TMEM144: variants seen among roughly 807,000 people sequenced by gnomAD.
TMEM144 encodes the protein transmembrane protein 144.
A neutral mutation model predicts 43.6 loss-of-function variants in TMEM144; 39 were observed. The ratio of observed to expected loss-of-function variants is 0.90; its 90% CI spans 0.69 to 1.17. TMEM144 has a LOEUF of 1.17. Among genes scored for constraint, TMEM144 ranks in the 50% most tolerant of loss-of-function variants. The pLI is 0.00. For missense variants in TMEM144, 417 were observed against 411.9 expected (o/e 1.01, Z -0.11); for synonymous variants, 154 against 133.6 (o/e 1.15, Z -1.06).
At chr4:158,229,812 A>C (rs1734979026) in intron 6 of TMEM144, among the ~76,000 whole-genome samples, 1 of 152,152 alleles carries the variant, frequency 6.6e-6, no homozygotes, top group Admixed American at 6.5e-5. Flanking sequence ...TTTAGGGAAC[A>C]CTTCTTGGGG....
intron 9 of TMEM144, among the ~76,000 whole-genome samples, chr4:158,238,101 T>C (rs2111138205): frequency 1.3e-5 from 2 of 152,340 alleles, no homozygotes; most frequent in East Asian, 3.9e-4. Context: ...CCTGTTAATA[T>C]CTCAGTTTCC....
chr4:158,224,112 C>T (rs1470339611), intron 6 of TMEM144, among the ~76,000 whole-genome samples: 1 of 152,066 alleles, frequency 6.6e-6, no homozygotes, highest in Non-Finnish European at 1.5e-5. Flanking sequence ...TTCTGACTGG[C>T]CTGAGATGGT....
chr4:158,252,062 C>T (rs1335334331), intron 12 of TMEM144, among the ~76,000 whole-genome samples: 1 of 152,076 alleles, frequency 6.6e-6, no homozygotes, highest in Non-Finnish European at 1.5e-5. Context: ...GAGATGCCTC[C>T]AGGGATATAT....
chr4:158,248,390 C>T (rs982088907), intron 12 of TMEM144, among the ~76,000 whole-genome samples: 2 of 152,008 alleles, frequency 1.3e-5, no homozygotes, highest in African/African-American at 2.4e-5. Flanking sequence ...CAAGATTGCA[C>T]TCTGGCCTGG....
At chr4:158,232,632 A>G (rs1735138436) in intron 6 of TMEM144, among the ~76,000 whole-genome samples, 1 of 152,228 alleles carries the variant, frequency 6.6e-6, no homozygotes, top group Non-Finnish European at 1.5e-5. Context: ...TTCTTTTACA[A>G]TGTGATTTCA....
rs1258706142 is a variant in TMEM144 at position 158,244,313 on chromosome 4, T to A, written c.918T>A (p.Ala306=). Residue 306 remains alanine (A), a synonymous_variant, in exon 12 of 13, where the codon GCT becomes GCA. Coordinates refer to ENST00000296529, the MANE Select transcript of TMEM144 (RefSeq NM_018342.5). ...TATTTAAGGGTCCAGGATTTATAGCTGCAATGTGGGGTATCTTCATGTTTA... is the reference window on the plus strand; with the variant it reads ...TATTTAAGGGTCCAGGATTTATAGCAGCAATGTGGGGTATCTTCATGTTTA... ...PIITAGPGFI[A]AMWGIFMFKE... is the part of the protein sequence containing the mutation. 6.2e-7 allele frequency: 1 copy of A among 1,606,580 alleles called. No homozygotes were observed. The highest frequency in any genetic ancestry group is 1.7e-5 in the Admixed American group (1 of 59,264).
chr4:158,237,594 G>A lies in TMEM144; in HGVS notation c.633G>A (p.Lys211=), dbSNP rs764393016. The A allele has an allele frequency of 1.2e-6, 2 of 1,613,850 alleles. No individual in the cohort carries two copies. The highest frequency in any genetic ancestry group is 1.7e-6 in the Non-Finnish European group (2 of 1,179,896). The change falls in exon 9 of 13, where the codon AAG becomes AAA. Residue 211 remains lysine (K), a synonymous_variant. Transcript: ENST00000296529. ...GSTFVPIIYI[K]DHSKRNDSIY... is the part of the protein sequence containing the mutation. ...CATTTGTGCCAATCATCTACATCAAGGACCACAGCAAAAGAAATGATAGTA... is the reference window on the plus strand; with the variant it reads ...CATTTGTGCCAATCATCTACATCAAAGACCACAGCAAAAGAAATGATAGTA...
intron 11 of TMEM144, among the ~76,000 whole-genome samples, chr4:158,241,968 A>G (rs2111144095): frequency 1.3e-5 from 2 of 152,366 alleles, no homozygotes; most frequent in Middle Eastern, 6.8e-3. Context: ...ACATTGAAAA[A>G]CAAACAAACA....
At chr4:158,215,117 C>A (rs1734153032) in intron 3 of TMEM144, 74 bp from the exon 4 acceptor site, 1 of 1,584,578 alleles carries the variant, frequency 6.3e-7, no homozygotes, top group Non-Finnish European at 8.7e-7. Context: ...TGTAATATCA[C>A]CTCATAGATA....
intron 1 of TMEM144, chr4:158,210,802 G>A (rs1414977858): frequency 1.3e-5 from 2 of 152,180 alleles, no homozygotes; most frequent in East Asian, 3.9e-4. Flanking sequence ...AGTGGAGCAA[G>A]CAGTATTGAT....
At chr4:158,223,880 C>T (rs907830930) in intron 6 of TMEM144, among the ~76,000 whole-genome samples, 1 of 152,202 alleles carries the variant, frequency 6.6e-6, no homozygotes, top group African/African-American at 2.4e-5. Context: ...CATACATGTG[C>T]ATGTGTCTTT....
At chr4:158,249,901 TGTG>T (rs1736103812) in intron 12 of TMEM144, among the ~76,000 whole-genome samples, 1 of 113,394 alleles carries the variant, frequency 8.8e-6, no homozygotes, top group Non-Finnish European at 1.9e-5. Flanking sequence ...TGTGTGTGTG[TGTG>T]TGTGTGTGTG....
intron 4 of TMEM144, among the ~76,000 whole-genome samples, chr4:158,216,481 G>A (rs115300791): frequency 6.1e-4 from 93 of 152,236 alleles, no homozygotes; most frequent in African/African-American, 2.2e-3. Flanking sequence ...TGAACATCCC[G>A]ATGTTTCTAC....
At chr4:158,253,348 G>A (rs1235680235) in intron 12 of TMEM144, 96 bp from the exon 13 acceptor site, 2 of 1,036,714 alleles carry the variant, frequency 1.9e-6, no homozygotes, top group Non-Finnish European at 2.9e-6. Context: ...GGCGGCTAGA[G>A]CAGATGGTTA....
chr4:158,223,860 C>T (rs1734623927), intron 6 of TMEM144, among the ~76,000 whole-genome samples: 2 of 152,174 alleles, frequency 1.3e-5, no homozygotes, highest in Non-Finnish European at 2.9e-5. Flanking sequence ...GTAAATAGTG[C>T]TGCAATAAGC....
At position 158,223,585 on chromosome 4, in the gene TMEM144, G is replaced by A. The variant is rs796726150; in HGVS notation, c.413+4195G>A. ...CTTGCCCACCACCCTCCAACAGGCC[G>A]TGGTGTGTGTTGTTCCCCTCCCTGT... On this transcript the variant is annotated intron_variant, in intron 6 of 12. Transcript: ENST00000296529. Among the ~76,000 whole-genome samples the A allele has an allele frequency of 1.7e-4, 26 of 152,186 alleles. 1 individual carries two copies. The highest frequency in any genetic ancestry group is 5.8e-4 in the African/African-American group (24 of 41,506).
At chr4:158,223,937 A>G (rs527564625) in intron 6 of TMEM144, among the ~76,000 whole-genome samples, 99 of 152,310 alleles carry the variant, frequency 6.5e-4, no homozygotes, top group Non-Finnish European at 1.0e-3. Context: ...CAGTAATGGG[A>G]TTGCTGGGTC....
At chr4:158,217,771 A>G (rs1242989884) in intron 5 of TMEM144, among the ~76,000 whole-genome samples, 1 of 150,940 alleles carries the variant, frequency 6.6e-6, no homozygotes, top group Admixed American at 6.6e-5. Context: ...GCACTATCTT[A>G]TAAGAGAGTA....
chr4:158,229,016 G>T (rs978505287), intron 6 of TMEM144, among the ~76,000 whole-genome samples: 3 of 152,080 alleles, frequency 2.0e-5, no homozygotes, highest in African/African-American at 7.2e-5. Flanking sequence ...GATTTTTACA[G>T]AGCCTTTCCA....
Sources: gnomAD v4.1 joint callset for allele counts (sites outside exome capture counted in the v4.1 genomes callset) on GRCh38, gnomAD v4.1.1 for gene constraint, MANE v1.5 for transcripts, NCBI Gene and HGNC (gene_info 2026-07-23, HGNC 2026-07-21) for gene names.